FOXP2: variants seen among roughly 807,000 people sequenced by gnomAD.
FOXP2 encodes forkhead box P2, also known as forkhead box protein P2.
FOXP2 carries 12 observed loss-of-function variants against 115.8 expected under a neutral mutation model. That is an observed-to-expected ratio of 0.10 (90% CI 0.07 to 0.17). The LOEUF (loss-of-function observed/expected upper bound fraction) is 0.17. Ranked by LOEUF, FOXP2 falls within the 10% of genes least tolerant of loss-of-function variation. The probability of loss-of-function intolerance (pLI) is 1.00; values close to 1 mark genes in which losing one functional copy is unlikely to be tolerated. For missense variants in FOXP2, 629 were observed against 843.5 expected, an observed-to-expected ratio of 0.75 and a Z score of 3.15; for synonymous variants, 328 against 297.7, an observed-to-expected ratio of 1.10 and a Z score of -1.05.
intron 1 of FOXP2, among the ~76,000 whole-genome samples, chr7:114,214,147 T>C (rs1333822957): frequency 6.6e-6 from 1 of 152,224 alleles, no homozygotes; most frequent in African/African-American, 2.4e-5. Context: ...GATTTCAGTC[T>C]TTGTATTTAG....
intron 2 of FOXP2, among the ~76,000 whole-genome samples, chr7:114,427,140 A>G (rs1186210929): frequency 6.6e-6 from 1 of 151,708 alleles, no homozygotes; most frequent in African/African-American, 2.4e-5. Flanking sequence ...AATATTAGCT[A>G]TTAATTAGTT....
chr7:114,102,282 T>C (rs904848477), intron 1 of FOXP2, among the ~76,000 whole-genome samples: 20 of 152,024 alleles, frequency 1.3e-4, no homozygotes, highest in African/African-American at 4.6e-4. Context: ...TAATTCATAA[T>C]TTCAATAGAT....
chr7:114,652,074 G>A, intron 8 of FOXP2, 129 bp from the exon 9 acceptor site: 1 of 807,778 alleles, frequency 1.2e-6, no homozygotes, highest in Non-Finnish European at 2.1e-6. Context: ...TTATCTGTAT[G>A]GTTTCAAGGC....
intron 2 of FOXP2, among the ~76,000 whole-genome samples, chr7:114,292,442 T>C (rs760865228): frequency 6.6e-6 from 1 of 152,136 alleles, no homozygotes; most frequent in Non-Finnish European, 1.5e-5. Flanking sequence ...AATTACAGCC[T>C]AGTGTGGTAT....
intron 2 of FOXP2, among the ~76,000 whole-genome samples, chr7:114,456,812 T>A (rs1795329177): frequency 6.6e-6 from 1 of 152,294 alleles, no homozygotes; most frequent in East Asian, 1.9e-4. Context: ...AATTGTGGTA[T>A]GTATCTATGC....
intron 1 of FOXP2, among the ~76,000 whole-genome samples, chr7:114,202,001 G>C (rs1794080066): frequency 6.6e-6 from 1 of 152,114 alleles, no homozygotes; most frequent in South Asian, 2.1e-4. Context: ...CCTTTTCTCT[G>C]TTTATAGATG....
chr7:114,605,115 C>T (rs1394847824), intron 3 of FOXP2, among the ~76,000 whole-genome samples: 1 of 152,094 alleles, frequency 6.6e-6, no homozygotes, highest in Non-Finnish European at 1.5e-5. Flanking sequence ...TTGTCAAGAA[C>T]TCAGAGTCAA....
upstream of FOXP2, chr7:114,086,573 C>T (rs927418819): frequency 9.2e-5 from 38 of 411,860 alleles, no homozygotes; most frequent in African/African-American, 6.7e-4. Context: ...GCCGCGGGTG[C>T]CACCTCCCGG....
At chr7:114,096,417 T>A (rs1799652970) in intron 1 of FOXP2, among the ~76,000 whole-genome samples, 1 of 152,230 alleles carries the variant, frequency 6.6e-6, no homozygotes, top group Non-Finnish European at 1.5e-5. Flanking sequence ...TGCCTTTAAG[T>A]TGCCCTTTTA....
chr7:114,516,491 G>C (rs909562070), intron 2 of FOXP2, among the ~76,000 whole-genome samples: 1 of 152,042 alleles, frequency 6.6e-6, no homozygotes, highest in African/African-American at 2.4e-5. Flanking sequence ...ATATTTCTTT[G>C]ACATACTAAT....
chr7:114,324,453 G>GT (rs376989544), intron 2 of FOXP2, among the ~76,000 whole-genome samples: 2 of 151,812 alleles, frequency 1.3e-5, no homozygotes, highest in African/African-American at 4.8e-5. Context: ...GGAAATTTGT[G>GT]TTTATATTTT....
At chr7:114,606,531 TTTA>T (rs1301038272) in intron 3 of FOXP2, among the ~76,000 whole-genome samples, 1 of 152,212 alleles carries the variant, frequency 6.6e-6, no homozygotes, top group East Asian at 1.9e-4. Flanking sequence ...AGAAAATTAT[TTTA>T]TTAACTTTAT....
intron 2 of FOXP2, among the ~76,000 whole-genome samples, chr7:114,358,162 A>T (rs1209657972): frequency 6.6e-6 from 1 of 152,108 alleles, no homozygotes; most frequent in African/African-American, 2.4e-5. Context: ...ACAAGACATG[A>T]TGACTTTATT....
intron 10 of FOXP2, among the ~76,000 whole-genome samples, chr7:114,655,271 G>T (rs950198085): frequency 6.6e-6 from 1 of 152,068 alleles, no homozygotes; most frequent in Non-Finnish European, 1.5e-5. Context: ...TCTGCAGCTT[G>T]TTCTTTTCCA....
At chr7:114,583,401 CTT>C (rs1801968915) in intron 3 of FOXP2, among the ~76,000 whole-genome samples, 1 of 151,774 alleles carries the variant, frequency 6.6e-6, no homozygotes, top group South Asian at 2.1e-4. Context: ...AAACAAGAAA[CTT>C]TTCTTTATCA....
chr7:114,632,282 T>TA (rs1804962974), intron 6 of FOXP2, among the ~76,000 whole-genome samples: 1 of 152,208 alleles, frequency 6.6e-6, no homozygotes, highest in Non-Finnish European at 1.5e-5. Flanking sequence ...ACTATAGTTT[T>TA]AAAAAATCTG....
At chr7:114,652,784 T>C (rs1464724633) in intron 9 of FOXP2, among the ~76,000 whole-genome samples, 4 of 152,198 alleles carry the variant, frequency 2.6e-5, no homozygotes, top group Non-Finnish European at 5.9e-5. Flanking sequence ...CAAAAAAATC[T>C]TTATACTTTT....
chr7:114,432,872 G>A (rs1008014599), intron 2 of FOXP2, among the ~76,000 whole-genome samples: 1 of 151,958 alleles, frequency 6.6e-6, no homozygotes, highest in Non-Finnish European at 1.5e-5. Context: ...AGACAAAACA[G>A]ATGGTATTGT....
At chr7:114,261,342 G>A (rs1490029552) in intron 1 of FOXP2, among the ~76,000 whole-genome samples, 2 of 151,870 alleles carry the variant, frequency 1.3e-5, no homozygotes, top group Admixed American at 1.3e-4. Flanking sequence ...AAATGTTTCA[G>A]GTTTGTACTT....
Sources: gnomAD v4.1 joint callset for allele counts (sites outside exome capture counted in the v4.1 genomes callset) on GRCh38, gnomAD v4.1.1 for gene constraint, MANE v1.5 for transcripts, NCBI Gene and HGNC (gene_info 2026-07-23, HGNC 2026-07-21) for gene names.